The following ZNF69 variants were observed in gnomAD, a reference collection of about 807,000 sequenced individuals.
ZNF69 encodes the protein ZNF3.
Under a neutral mutation model 50.9 loss-of-function variants are expected in ZNF69, and 47 were observed. That is an observed-to-expected ratio of 0.92 (90% CI 0.73 to 1.18). The LOEUF is 1.18. Ranked by LOEUF, ZNF69 falls within the 50% of genes most tolerant of loss-of-function variation. The probability of loss-of-function intolerance (pLI) is 0.00; values close to 1 mark genes in which losing one functional copy is unlikely to be tolerated. For synonymous variants in ZNF69, 216 were observed against 223.1 expected, an observed-to-expected ratio of 0.97 and a Z score of 0.29; for missense variants, 717 against 675.1, an observed-to-expected ratio of 1.06 and a Z score of -0.69.
At chr19:11,897,544 C>T (rs1463004951) in intron 1 of ZNF69, among the ~76,000 whole-genome samples, 1 of 149,598 alleles carries the variant, frequency 6.7e-6, no homozygotes, top group African/African-American at 2.5e-5. Context: ...CGCTACACTC[C>T]AGCCTGGGCA....
chr19:11,974,175 CTTCT>C, the ZNF69 span, among the ~76,000 whole-genome samples: 25 of 88,336 alleles, frequency 2.8e-4, no homozygotes, highest in African/African-American at 8.7e-4. Context: ...TCCTTCCTTC[CTTCT>C]TTCTTTCTTT....
At chr19:11,948,717 C>T in the ZNF69 span, 2 of 1,613,116 alleles carry the variant, frequency 1.2e-6, no homozygotes, top group Admixed American at 3.4e-5. Context: ...GGAAAGCCTT[C>T]CATTCTTTCA....
the ZNF69 span, chr19:11,977,290 G>A: frequency 1.9e-6 from 3 of 1,604,060 alleles, no homozygotes; most frequent in Non-Finnish European, 2.6e-6. Flanking sequence ...CATGGCTGCA[G>A]TAAATCATAG....
At chr19:11,972,434 A>C in the ZNF69 span, among the ~76,000 whole-genome samples, 72 of 152,338 alleles carry the variant, frequency 4.7e-4, no homozygotes, top group Admixed American at 1.4e-3. Context: ...CATTCTAGAA[A>C]CTTAGTAAAA....
chr19:11,939,275 G>A, the ZNF69 span, among the ~76,000 whole-genome samples: 1 of 152,280 alleles, frequency 6.6e-6, no homozygotes, highest in Admixed American at 6.5e-5. Flanking sequence ...CATTGCTTTT[G>A]GTGTTTTAGT....
chr19:11,904,546 A>C (rs1408346829), intron 3 of ZNF69, 103 bp from the exon 4 acceptor site: 2 of 1,457,068 alleles, frequency 1.4e-6, no homozygotes, highest in Admixed American at 2.5e-5. Context: ...CAGAAAGCCT[A>C]CACTTTGATG....
At chr19:11,946,346 C>T in the ZNF69 span, among the ~76,000 whole-genome samples, 1 of 152,074 alleles carries the variant, frequency 6.6e-6, no homozygotes, top group Admixed American at 6.6e-5. Context: ...TGGGGAGTCT[C>T]TCTTCTAGGT....
intron 1 of ZNF69, among the ~76,000 whole-genome samples, chr19:11,901,736 A>C (rs967241507): frequency 6.6e-6 from 1 of 151,938 alleles, no homozygotes; most frequent in African/African-American, 2.4e-5. Flanking sequence ...CGCCCACCTT[A>C]ACCTCCCAAA....
the ZNF69 span, among the ~76,000 whole-genome samples, chr19:11,975,356 G>A: frequency 1.1e-4 from 16 of 151,678 alleles, no homozygotes; most frequent in African/African-American, 3.6e-4. Context: ...TTACAGGTGT[G>A]AGCCACTGCA....
chr19:11,949,022 C>G, the ZNF69 span: 1 of 1,606,120 alleles, frequency 6.2e-7, no homozygotes, highest in Non-Finnish European at 8.5e-7. Flanking sequence ...GGGAAAAAAC[C>G]GTATGAATGT....
chr19:11,978,351 C>T, the ZNF69 span: 1 of 1,614,124 alleles, frequency 6.2e-7, no homozygotes, highest in Non-Finnish European at 8.5e-7. Context: ...TGCACCAAAG[C>T]CATATAAGTG....
the ZNF69 span, among the ~76,000 whole-genome samples, chr19:11,947,911 G>T: frequency 6.6e-6 from 1 of 152,186 alleles, no homozygotes; most frequent in Non-Finnish European, 1.5e-5. Context: ...AGGAGGCGAA[G>T]GCAGGAGGAT....
At chr19:11,954,414 T>C in the ZNF69 span, among the ~76,000 whole-genome samples, 1 of 152,246 alleles carries the variant, frequency 6.6e-6, no homozygotes, top group Non-Finnish European at 1.5e-5. Flanking sequence ...GTCAGGATTA[T>C]GCTATGTTGC....
chr19:11,898,826 C>T (rs933687975), intron 1 of ZNF69, among the ~76,000 whole-genome samples: 2 of 152,144 alleles, frequency 1.3e-5, no homozygotes, highest in East Asian at 1.9e-4. Context: ...ATAGCAAGAC[C>T]CTGTTTCAAA....
chr19:11,952,919 C>A, the ZNF69 span: 1 of 152,106 alleles, frequency 6.6e-6, no homozygotes. Context: ...ACTAAAAATA[C>A]AAAAATTAGC....
chr19:11,905,393 T>G lies in ZNF69; in HGVS notation c.996T>G (p.Tyr332Ter). ...HERTHSRKKP[Y>*]ECTQCGKALS... ...GGACCCACTCTAGGAAAAAACCCTA[T>G]GAATGTACGCAGTGTGGGAAAGCAT... Residue 332 changes from tyrosine to a stop codon, truncating the protein, a stop_gained, in exon 4 of 4, where the codon TAT becomes TAG. Transcript: ENST00000429654. LOFTEE classifies it high-confidence loss of function. The G allele has an allele frequency of 6.2e-7, 1 of 1,614,214 alleles. No individual in the cohort carries two copies. Among genetic ancestry groups the G allele is most frequent in the Non-Finnish European group, 8.5e-7 (1 of 1,180,032 alleles).
chr19:11,946,885 A>C, the ZNF69 span: 1 of 354,164 alleles, frequency 2.8e-6, no homozygotes, highest in African/African-American at 2.2e-5. Context: ...CTATAATCCC[A>C]GCTACTCGGG....
chr19:11,946,344 C>A, the ZNF69 span, among the ~76,000 whole-genome samples: 2 of 152,060 alleles, frequency 1.3e-5, no homozygotes, highest in Non-Finnish European at 2.9e-5. Context: ...AGTGGGGAGT[C>A]TCTCTTCTAG....
chr19:11,943,903 G>A, the ZNF69 span, among the ~76,000 whole-genome samples: 3 of 152,134 alleles, frequency 2.0e-5, no homozygotes, highest in Non-Finnish European at 2.9e-5. Context: ...AGGGCTTGTC[G>A]TCTTTTTCAG....
Sources: gnomAD v4.1 joint callset for allele counts (sites outside exome capture counted in the v4.1 genomes callset) on GRCh38, gnomAD v4.1.1 for gene constraint, MANE v1.5 for transcripts, NCBI Gene and HGNC (gene_info 2026-07-23, HGNC 2026-07-21) for gene names.